Variants in C8orf48 observed in about 807,000 individuals in gnomAD.
C8orf48 encodes the protein chromosome 8 open reading frame 48.
For missense variants in C8orf48, 580 were observed against 363.3 expected, an observed-to-expected ratio of 1.60 and a Z score of -4.85; for synonymous variants, 188 against 138.2, an observed-to-expected ratio of 1.36 and a Z score of -2.53.
At position 13,567,473 on chromosome 8, in the gene C8orf48, G is replaced by A; in HGVS notation, c.482G>A (p.Arg161Lys). Residue 161 changes from arginine (R) to lysine (K), a missense_variant, in exon 1 of 1, where the codon AGA (arginine) becomes AAA (lysine). By Grantham distance (26) the Arg-to-Lys change is conservative. Transcript: ENST00000297324. The part of the protein sequence containing the change: ...HLGLDVEASE[R>K]DAFSCTVPDE... Reference sequence around the variant, plus strand: ...GGATTGGATGTAGAGGCTTCAGAGAGAGATGCCTTTAGTTGTACTGTACCC... The same window carrying A: ...GGATTGGATGTAGAGGCTTCAGAGAAAGATGCCTTTAGTTGTACTGTACCC... The A allele has an allele frequency of 6.4e-7, 1 of 1,552,106 alleles. No homozygotes were observed. Among genetic ancestry groups the A allele is most frequent in the Non-Finnish European group, 8.7e-7 (1 of 1,147,084 alleles).
In C8orf48 at chr8:13,566,881, G is replaced by T. The variant is rs1048049210; in HGVS notation, c.-111G>T. ...AGGCGTCTCCCGGAAGACGACCTCC[G>T]CAGAGCTGATGGCATTGAGATCCAT... On this transcript the variant is annotated 5_prime_UTR_variant, in exon 1 of 1. Coordinates refer to ENST00000297324, the MANE Select transcript of C8orf48 (RefSeq NM_001007090.3). 21 of 1,367,780 alleles carry T rather than the reference G, an allele frequency of 1.5e-5. No homozygotes were observed. The highest frequency in any genetic ancestry group is 1.6e-5 in the Non-Finnish European group (17 of 1,035,976). 84.7% of individuals were successfully genotyped at this position (1,367,780 alleles called of 1,614,324 possible). A position where few individuals can be genotyped will look rare whatever the true frequency, so the allele number is the denominator to read the frequency against.
rs1585283102 is a variant in C8orf48, at chr8:13,567,559, G to A, written c.568G>A (p.Ala190Thr). ...GAGGACAACGCCAAAACAGGAGGCAGCAGCTAAGCAACACATATCTTATCA... is the reference window on the plus strand; with the variant it reads ...GAGGACAACGCCAAAACAGGAGGCAACAGCTAAGCAACACATATCTTATCA... ...NMRTTPKQEA[A>T]AKQHISYQCP... The change falls in exon 1 of 1, where the codon GCA becomes ACA. Residue 190 changes from alanine to threonine, a missense_variant. Ala to Thr is a moderately conservative substitution (Grantham distance 58). Transcript: ENST00000297324. 2 of 1,551,806 alleles carry A rather than the reference G, an allele frequency of 1.3e-6. No homozygotes were observed. The highest frequency in any genetic ancestry group is 1.7e-6 in the Non-Finnish European group (2 of 1,147,034).
At position 13,567,328 on chromosome 8, in the gene C8orf48, C is replaced by G; in HGVS notation, c.337C>G (p.Arg113Gly). ...PDTKLPTEIT[R>G]VSDEELNALQ... ...CACCAAACTTCCAACAGAAATCACTCGGGTATCAGATGAAGAATTGAATGC... is the reference window on the plus strand; with the variant it reads ...CACCAAACTTCCAACAGAAATCACTGGGGTATCAGATGAAGAATTGAATGC... The change falls in exon 1 of 1, where the codon CGG (arginine) becomes GGG (glycine). Residue 113 changes from arginine (R) to glycine (G), a missense_variant. Coordinates refer to ENST00000297324, the MANE Select transcript of C8orf48 (RefSeq NM_001007090.3). 1 of 1,551,658 alleles carries G rather than the reference C, an allele frequency of 6.4e-7. No individual in the cohort carries two copies. The highest frequency in any genetic ancestry group is 8.7e-7 in the Non-Finnish European group (1 of 1,147,000).
Position 13,567,483 on chromosome 8 carries a change from T to C in C8orf48, c.492T>C (p.Phe164=). 1.9e-6 allele frequency: 3 copies of C among 1,552,122 alleles called. No homozygotes were observed. The highest frequency in any genetic ancestry group is 2.6e-6 in the Non-Finnish European group (3 of 1,147,074). Residue 164 remains phenylalanine, a synonymous_variant, in exon 1 of 1, where the codon TTT becomes TTC. Coordinates refer to ENST00000297324, the MANE Select transcript of C8orf48 (RefSeq NM_001007090.3). ...TAGAGGCTTCAGAGAGAGATGCCTTTAGTTGTACTGTACCCGATGAACTTT... is the reference window on the plus strand; with the variant it reads ...TAGAGGCTTCAGAGAGAGATGCCTTCAGTTGTACTGTACCCGATGAACTTT... ...LDVEASERDA[F]SCTVPDELLN...
Position 13,567,011 on chromosome 8 carries a change from T to G in C8orf48, c.20T>G (p.Leu7Trp). 1 of 1,549,714 alleles carries G rather than the reference T, an allele frequency of 6.5e-7. No homozygotes were observed. Residue 7 changes from leucine (L) to tryptophan (W), a missense_variant, in exon 1 of 1, where the codon TTG (leucine) becomes TGG (tryptophan). Physicochemically the swap from Leu to Trp is moderately conservative, Grantham distance 61. Coordinates refer to ENST00000297324, the MANE Select transcript of C8orf48 (RefSeq NM_001007090.3). ...ATTGTGATGGCCATCTGCCCAGAAT[T>G]GGCCCAAACGGACAAAAGTGCTCTT... Reference protein sequence around the residue: MAICPELAQTDKSALAN... With the variant: MAICPEWAQTDKSALAN...
Position 13,567,296 on chromosome 8 carries a change from A to C in C8orf48, c.305A>C (p.Gln102Pro), listed in dbSNP as rs1804477815. Residue 102 changes from glutamine to proline, a missense_variant, in exon 1 of 1, where the codon CAA becomes CCA. By Grantham distance (76) the Gln-to-Pro change is moderately conservative. Transcript: ENST00000297324. ...AAAGACTCTAACTTTGAACGGCACCAACCAGACACCAAACTTCCAACAGAA... is the reference window on the plus strand; with the variant it reads ...AAAGACTCTAACTTTGAACGGCACCCACCAGACACCAAACTTCCAACAGAA... The part of the protein sequence containing the change: ...KLKDSNFERH[Q>P]PDTKLPTEIT... 1.3e-6 allele frequency: 2 copies of C among 1,551,670 alleles called. No homozygotes were observed. Among genetic ancestry groups the C allele is most frequent in the Non-Finnish European group, 8.7e-7 (1 of 1,147,038 alleles).
In C8orf48 at chr8:13,567,925, C is replaced by T. The variant is rs987937638; in HGVS notation, c.934C>T (p.Leu312=). 8.4e-6 allele frequency: 13 copies of T among 1,549,580 alleles called. No homozygotes were observed. The highest frequency in any genetic ancestry group is 7.2e-5 in the South Asian group (6 of 83,598). The change falls in exon 1 of 1, where the codon CTG becomes TTG. Residue 312 remains leucine (L), a synonymous_variant. Transcript: ENST00000297324. ...GCGACTTACTCTAATCAAACCAGAG[C>T]TGGTGATTGTTAATGATAATGTGTA... is the stretch of plus-strand genomic sequence containing the variant. ...LKRLTLIKPE[L]VIVNDNV
rs200500548 is a variant in C8orf48 at position 13,567,419 on chromosome 8, C to T, written c.428C>T (p.Thr143Met). Residue 143 changes from threonine to methionine, a missense_variant, in exon 1 of 1, where the codon ACG becomes ATG. Coordinates refer to ENST00000297324, the MANE Select transcript of C8orf48 (RefSeq NM_001007090.3). Reference protein sequence around the residue: ...IHRRGDSKKKTSSRHKKLHLG... With the variant: ...IHRRGDSKKKMSSRHKKLHLG... The stretch of plus-strand genomic sequence containing the variant: ...CGTAGAGGGGATTCTAAGAAGAAGA[C>T]GAGCAGCAGACATAAAAAGCTGCAT... The T allele has an allele frequency of 1.9e-6, 3 of 1,551,580 alleles. No homozygotes were observed. Among genetic ancestry groups the T allele is most frequent in the African/African-American group, 1.4e-5 (1 of 73,000 alleles).
chr8:13,568,219 A>T lies in C8orf48; in HGVS notation c.*268A>T, dbSNP rs1298169149. ...GTATGGGGATGTAAGAGAAACTTAA[A>T]AAGTAATAACTGTCTTTGGCGATCA... On this transcript the variant is annotated 3_prime_UTR_variant, in exon 1 of 1. Transcript: ENST00000297324. 1.2e-5 allele frequency: 4 copies of T among 328,320 alleles called. No homozygotes were observed. The South Asian group carries it at 2.3e-4, about 19-fold the overall frequency. The allele number at this position is 328,320 out of a possible 1,614,324, so 20.3% of individuals were successfully genotyped here.
chr8:13,568,086 T>A lies in C8orf48; in HGVS notation c.*135T>A. 1 of 948,512 alleles carries A rather than the reference T, an allele frequency of 1.1e-6. No homozygotes were observed. The highest frequency in any genetic ancestry group is 1.5e-6 in the Non-Finnish European group (1 of 649,576). 58.8% of individuals were successfully genotyped at this position (948,512 alleles called of 1,614,324 possible). ...AGAACTTTCACTTTTTTTTTCCTAT[T>A]ATAGAAGGCACTGTTGTAGTTGGAA... is the stretch of plus-strand genomic sequence containing the variant. On this transcript the variant is annotated 3_prime_UTR_variant, in exon 1 of 1. Coordinates refer to ENST00000297324, the MANE Select transcript of C8orf48 (RefSeq NM_001007090.3).
chr8:13,567,941 A>G lies in C8orf48; in HGVS notation c.950A>G (p.Asp317Gly), dbSNP rs1804512699. 9 of 1,545,614 alleles carry G rather than the reference A, an allele frequency of 5.8e-6. No individual in the cohort carries two copies. The highest frequency in any genetic ancestry group is 7.9e-6 in the Non-Finnish European group (9 of 1,144,240). ...AAACCAGAGCTGGTGATTGTTAATG[A>G]TAATGTGTAATGTGGATAGATGTCT... ...LIKPELVIVN[D>G]NV The change falls in exon 1 of 1, where the codon GAT becomes GGT. Residue 317 changes from aspartate (D) to glycine (G), a missense_variant. Transcript: ENST00000297324.
rs1804524109 is a variant in C8orf48, at chr8:13,568,176, T to G, written c.*225T>G. On this transcript the variant is annotated 3_prime_UTR_variant, in exon 1 of 1. Coordinates refer to ENST00000297324, the MANE Select transcript of C8orf48 (RefSeq NM_001007090.3). The stretch of plus-strand genomic sequence containing the variant: ...TTGGTAGTTTGGGCCAGGATGTTGA[T>G]GGTACAGAAGCAAAGTAGTATGGGG... 2.0e-6 allele frequency: 1 copy of G among 502,010 alleles called. No homozygotes were observed. The highest frequency in any genetic ancestry group is 3.5e-6 in the Non-Finnish European group (1 of 283,932). The allele number at this position is 502,010 out of a possible 1,614,324, so 31.1% of individuals were successfully genotyped here. A position where few individuals can be genotyped will look rare whatever the true frequency, so the allele number is the denominator to read the frequency against.
In C8orf48 at chr8:13,568,105, G is replaced by T. The variant is rs1804520986; in HGVS notation, c.*154G>T. 2.5e-6 allele frequency: 2 copies of T among 803,718 alleles called. No homozygotes were observed. Among genetic ancestry groups the T allele is most frequent in the East Asian group, 2.8e-5 (1 of 35,390 alleles). The allele number at this position is 803,718 out of a possible 1,614,324, so 49.8% of individuals were successfully genotyped here. A position where few individuals can be genotyped will look rare whatever the true frequency, so the allele number is the denominator to read the frequency against. On this transcript the variant is annotated 3_prime_UTR_variant, in exon 1 of 1. Transcript: ENST00000297324. Reference sequence around the variant, plus strand: ...TCCTATTATAGAAGGCACTGTTGTAGTTGGAATAGTTATAAAAACTTTTAC... The same window carrying T: ...TCCTATTATAGAAGGCACTGTTGTATTTGGAATAGTTATAAAAACTTTTAC...
the C8orf48 span, chr8:13,567,502 G>T: frequency 6.4e-7 from 1 of 1,552,028 alleles, no homozygotes; most frequent in Non-Finnish European, 8.7e-7. Flanking sequence ...TGTACCCGAT[G>T]AACTTTTGAA....
rs1804487658 is a variant in C8orf48 at position 13,567,469 on chromosome 8, G to C, written c.478G>C (p.Glu160Gln). Residue 160 changes from glutamate (E) to glutamine (Q), a missense_variant, in exon 1 of 1, where the codon GAG becomes CAG. Physicochemically the swap from Glu to Gln is conservative, Grantham distance 29 (BLOSUM62 2). Coordinates refer to ENST00000297324, the MANE Select transcript of C8orf48 (RefSeq NM_001007090.3). Reference protein sequence around the residue: ...LHLGLDVEASERDAFSCTVPD... With the variant: ...LHLGLDVEASQRDAFSCTVPD... Reference sequence around the variant, plus strand: ...TCTTGGATTGGATGTAGAGGCTTCAGAGAGAGATGCCTTTAGTTGTACTGT... The same window carrying C: ...TCTTGGATTGGATGTAGAGGCTTCACAGAGAGATGCCTTTAGTTGTACTGT... 4 of 1,551,962 alleles carry C rather than the reference G, an allele frequency of 2.6e-6. No homozygotes were observed. Among genetic ancestry groups the C allele is most frequent in the African/African-American group, 2.7e-5 (2 of 73,036 alleles).
chr8:13,567,902 G>T lies in C8orf48; in HGVS notation c.911G>T (p.Arg304Leu). The change falls in exon 1 of 1, where the codon CGA becomes CTA. Residue 304 changes from arginine (R) to leucine (L), a missense_variant. Physicochemically the swap from Arg to Leu is moderately radical, Grantham distance 102 (BLOSUM62 -2). Coordinates refer to ENST00000297324, the MANE Select transcript of C8orf48 (RefSeq NM_001007090.3). ...HLPFSLPFLK[R>L]LTLIKPELVI... Reference sequence around the variant, plus strand: ...CCATTTTCTCTGCCATTTCTCAAGCGACTTACTCTAATCAAACCAGAGCTG... The same window carrying T: ...CCATTTTCTCTGCCATTTCTCAAGCTACTTACTCTAATCAAACCAGAGCTG... 4 of 1,551,906 alleles carry T rather than the reference G, an allele frequency of 2.6e-6. No homozygotes were observed. The highest frequency in any genetic ancestry group is 3.5e-6 in the Non-Finnish European group (4 of 1,146,974).
rs1804501515 is a variant in C8orf48, at chr8:13,567,722, T to C, written c.731T>C (p.Ile244Thr). Residue 244 changes from isoleucine to threonine, a missense_variant, in exon 1 of 1, where the codon ATT becomes ACT. Transcript: ENST00000297324. ...CATACCAAAGACTTTCTCACCCGTA[T>C]TGGAGAAGCACATCAAGACTTTCCC... ...HLHTKDFLTR[I>T]GEAHQDFPRL... 1 of 1,551,954 alleles carries C rather than the reference T, an allele frequency of 6.4e-7. No homozygotes were observed. Among genetic ancestry groups the C allele is most frequent in the Middle Eastern group, 1.7e-4 (1 of 6,016 alleles).
rs956633330 is a variant in C8orf48 at position 13,567,767 on chromosome 8, G to C, written c.776G>C (p.Arg259Thr). ...QDFPRLSDDP[R>T]IIWKRLTEKS... Reference sequence around the variant, plus strand: ...TTTCCCAGGCTTTCAGATGACCCCAGAATAATCTGGAAAAGACTGACTGAG... The same window carrying C: ...TTTCCCAGGCTTTCAGATGACCCCACAATAATCTGGAAAAGACTGACTGAG... Residue 259 changes from arginine (R) to threonine (T), a missense_variant, in exon 1 of 1, where the codon AGA becomes ACA. By Grantham distance (71) the Arg-to-Thr change is moderately conservative. Transcript: ENST00000297324. The C allele has an allele frequency of 1.6e-5, 25 of 1,551,844 alleles. No homozygotes were observed. The highest frequency in any genetic ancestry group is 2.1e-5 in the Non-Finnish European group (24 of 1,147,066).
chr8:13,567,818 T>G lies in C8orf48; in HGVS notation c.827T>G (p.Phe276Cys). 1 of 1,551,842 alleles carries G rather than the reference T, an allele frequency of 6.4e-7. No homozygotes were observed. Among genetic ancestry groups the G allele is most frequent in the Non-Finnish European group, 8.7e-7 (1 of 1,147,024 alleles). Residue 276 changes from phenylalanine to cysteine, a missense_variant, in exon 1 of 1, where the codon TTT (phenylalanine) becomes TGT (cysteine). Transcript: ENST00000297324. ...TEKSHIRYSG[F>C]ERSETEQKLQ... ...AAAAGTCATATCAGATACTCTGGTT[T>G]TGAAAGATCAGAGACAGAGCAGAAG...
Sources: allele counts gnomAD v4.1 joint callset, GRCh38; gene constraint gnomAD v4.1.1; transcripts MANE v1.5; gene names NCBI Gene and HGNC (gene_info 2026-07-23, HGNC 2026-07-21).